The following C4orf36 variants were observed in gnomAD, a reference collection of about 807,000 sequenced individuals.
C4orf36 encodes the protein chromosome 4 open reading frame 36, also known as uncharacterized protein C4orf36.
C4orf36 carries 11 observed loss-of-function variants against 12.2 expected under a neutral mutation model. The ratio of observed to expected loss-of-function variants is 0.90; its 90% CI spans 0.57 to 1.49. C4orf36 has a LOEUF of 1.49. C4orf36 is among the 40% of genes most tolerant of loss of function. The pLI, the probability that C4orf36 is intolerant of heterozygous loss-of-function variation, is 0.00. For missense variants in C4orf36, 137 were observed against 133.9 expected (o/e 1.02, Z -0.11); for synonymous variants, 54 against 51.3 (o/e 1.05, Z -0.22).
At chr4:86,882,316 C>T (rs1473126462) in intron 4 of C4orf36, among the ~76,000 whole-genome samples, 1 of 152,092 alleles carries the variant, frequency 6.6e-6, no homozygotes, top group Non-Finnish European at 1.5e-5. Context: ...TACAGATACA[C>T]GTTTCATTCA....
At chr4:86,887,568 C>T (rs1436834038) in intron 4 of C4orf36, 190 bp downstream of exon 4, 2 of 512,624 alleles carry the variant, frequency 3.9e-6, no homozygotes, top group African/African-American at 1.9e-5. Context: ...GTTTGTGACA[C>T]AAGGAACAAG....
chr4:86,888,127 C>A lies in C4orf36; in HGVS notation c.214G>T (p.Ala72Ser). 1.9e-6 allele frequency: 3 copies of A among 1,611,306 alleles called. No homozygotes were observed. Among genetic ancestry groups the A allele is most frequent in the Non-Finnish European group, 1.7e-6 (2 of 1,178,892 alleles). Residue 72 changes from alanine (A) to serine (S), a missense_variant, in exon 3 of 5, where the codon GCA (alanine) becomes TCA (serine). Coordinates refer to ENST00000295898, the MANE Select transcript of C4orf36 (RefSeq NM_144645.4). ...CAGAACTTAAGGAACTTACATTCTG[C>A]AGAAGGGAGCAGTCCATCTTTAATG... The part of the protein sequence containing the change: ...TTIKDGLLPS[A>S]ESIKLEREYE...
At chr4:86,913,250 A>T in the C4orf36 span, 1 of 575,628 alleles carries the variant, frequency 1.7e-6, no homozygotes, top group Non-Finnish European at 3.3e-6. Flanking sequence ...AAGCTCACTC[A>T]GCTTCACATC....
chr4:86,891,804 G>C (rs1747427575), intron 1 of C4orf36, among the ~76,000 whole-genome samples: 1 of 151,948 alleles, frequency 6.6e-6, no homozygotes, highest in African/African-American at 2.4e-5. Flanking sequence ...GGTAAGTTTC[G>C]TCATCCTGAG....
chr4:86,893,982 T>C (rs28446826), upstream of C4orf36, among the ~76,000 whole-genome samples: 57,453 of 151,036 alleles, frequency 0.38, 11,808 homozygotes, highest in Non-Finnish European at 0.45. Context: ...CTGCAAGCTC[T>C]GCCTCCCGGG....
chr4:86,928,891 AT>A, the C4orf36 span, among the ~76,000 whole-genome samples: 2 of 151,484 alleles, frequency 1.3e-5, no homozygotes, highest in East Asian at 1.9e-4. Flanking sequence ...TCTTTCAAAA[AT>A]TTTTTTTCTT....
the C4orf36 span, among the ~76,000 whole-genome samples, chr4:86,902,439 A>AAAAAAAAAAAAAAAAAAAAAAAAAAAAG: frequency 7.1e-6 from 1 of 140,974 alleles, no homozygotes; most frequent in African/African-American, 2.7e-5. Context: ...AAAAAAAAAA[A>AAAAAAAAAAAAAAAAAAAAAAAAAAAAG]AAAGAAAGAA....
the C4orf36 span, among the ~76,000 whole-genome samples, chr4:86,911,775 C>A: frequency 2.0e-5 from 3 of 152,260 alleles, no homozygotes; most frequent in South Asian, 4.1e-4. Context: ...CAGCCTTAAC[C>A]TTCTGGGCTC....
chr4:86,894,753 G>C (rs193065450), upstream of C4orf36, among the ~76,000 whole-genome samples: 3 of 152,194 alleles, frequency 2.0e-5, no homozygotes, highest in East Asian at 5.8e-4. Flanking sequence ...GTCTCTCTTG[G>C]GTCACTCACC....
At chr4:86,897,053 GA>G (rs1235661888), upstream of C4orf36, among the ~76,000 whole-genome samples, 4 of 152,076 alleles carry the variant, frequency 2.6e-5, no homozygotes, top group Non-Finnish European at 5.9e-5. Context: ...AGTTAAGGGG[GA>G]AAAATGTTTA....
chr4:86,902,796 C>T, the C4orf36 span, among the ~76,000 whole-genome samples: 1 of 152,158 alleles, frequency 6.6e-6, no homozygotes, highest in Non-Finnish European at 1.5e-5. Flanking sequence ...CTTCTAACAT[C>T]CTATAGTTTA....
chr4:86,925,482 G>C, the C4orf36 span: 1 of 152,122 alleles, frequency 6.6e-6, no homozygotes, highest in Non-Finnish European at 1.5e-5. Context: ...CTCCCAAAGT[G>C]CTGGGATTAT....
At chr4:86,911,835 C>T in the C4orf36 span, among the ~76,000 whole-genome samples, 2 of 150,962 alleles carry the variant, frequency 1.3e-5, no homozygotes, top group African/African-American at 4.9e-5. Flanking sequence ...CACAGGCATG[C>T]ACTATCATGC....
chr4:86,890,480 AAATAATAATAATAAT>A (rs56235500), intron 2 of C4orf36, among the ~76,000 whole-genome samples: 132 of 147,332 alleles, frequency 9.0e-4, no homozygotes, highest in African/African-American at 2.2e-3. Flanking sequence ...AATGCAAATA[AAATAATAATAATAAT>A]AATAATAATA....
chr4:86,933,618 A>G, the C4orf36 span: 1 of 152,212 alleles, frequency 6.6e-6, no homozygotes, highest in Non-Finnish European at 1.5e-5. Context: ...CAGATTATAA[A>G]ATATTACCAT....
the C4orf36 span, among the ~76,000 whole-genome samples, chr4:86,906,971 C>T: frequency 4.6e-5 from 7 of 151,864 alleles, no homozygotes; most frequent in African/African-American, 7.3e-5. Context: ...ACCCAGGGGG[C>T]GGAGGTTGCA....
At chr4:86,913,948 C>T in the C4orf36 span, 1 of 1,496,504 alleles carries the variant, frequency 6.7e-7, no homozygotes, top group Non-Finnish European at 9.3e-7. Flanking sequence ...CCTCAGCCTC[C>T]CGAGTAGCTG....
chr4:86,918,639 C>T, the C4orf36 span, among the ~76,000 whole-genome samples: 2 of 152,162 alleles, frequency 1.3e-5, no homozygotes, highest in African/African-American at 4.8e-5. Flanking sequence ...TTCTATACTG[C>T]TAGTGATTGA....
At chr4:86,934,033 C>A in the C4orf36 span, among the ~76,000 whole-genome samples, 1 of 152,082 alleles carries the variant, frequency 6.6e-6, no homozygotes, top group African/African-American at 2.4e-5. Flanking sequence ...GCAGTAGAGA[C>A]AAACAAAATT....
Sources: gnomAD v4.1 joint callset for allele counts (sites outside exome capture counted in the v4.1 genomes callset) on GRCh38, gnomAD v4.1.1 for gene constraint, MANE v1.5 for transcripts, NCBI Gene and HGNC (gene_info 2026-07-23, HGNC 2026-07-21) for gene names.